The following STARD8 variants were observed in gnomAD, a reference collection of about 807,000 sequenced individuals.
STARD8 encodes the protein stAR-related lipid transfer protein 8.
A neutral mutation model predicts 69.4 loss-of-function variants in STARD8; 25 were observed. That is an observed-to-expected ratio of 0.36 (90% confidence interval 0.26 to 0.50). The LOEUF (loss-of-function observed/expected upper bound fraction) is 0.50, where lower values mean the gene tolerates loss of function less well. Among genes scored for constraint, STARD8 ranks in the 20% least tolerant of loss-of-function variants. The pLI, the probability that STARD8 is intolerant of heterozygous loss-of-function variation, is 0.96. For synonymous variants in STARD8, 389 were observed against 374.6 expected, an observed-to-expected ratio of 1.04 and a Z score of -0.45; for missense variants, 921 against 932.5, an observed-to-expected ratio of 0.99 and a Z score of 0.16.
chrX:68,713,721 C>T (rs1328199067), intron 3 of STARD8, among the ~76,000 whole-genome samples: 1 of 111,825 alleles, frequency 8.9e-6, no homozygotes, highest in Non-Finnish European at 1.9e-5. Context: ...CTGTCCGGGG[C>T]CCTCTTCTCT....
intron 2 of STARD8, among the ~76,000 whole-genome samples, chrX:68,702,528 C>A (rs1368832549): frequency 1.8e-5 from 2 of 112,344 alleles, no homozygotes; most frequent in Non-Finnish European, 3.8e-5. Context: ...ACTCTTACTA[C>A]AAAAACCCTG....
rs770395832 is a variant in STARD8, at chrX:68,716,413, T to C, written c.279T>C (p.Val93=). Residue 93 remains valine, a synonymous_variant, in exon 5 of 15, where the codon GTT becomes GTC. Transcript: ENST00000374599. ...LNNCASMKLE[V]HFQSKQNEDS... ...ATTGTGCCTCGATGAAACTGGAGGT[T>C]CATTTTCAAAGCAAGCAGGTGAGTC... 8.3e-7 allele frequency: 1 copy of C among 1,211,100 alleles called. No individual in the cohort carries two copies. The highest frequency in any genetic ancestry group is 1.1e-6 in the Non-Finnish European group (1 of 895,270).
intron 2 of STARD8, among the ~76,000 whole-genome samples, chrX:68,672,784 T>C (rs1474072211): frequency 9.0e-6 from 1 of 110,573 alleles, no homozygotes; most frequent in Non-Finnish European, 1.9e-5. Context: ...TGCTAAAGGG[T>C]TCCTGCTGTG....
At chrX:68,665,747 C>T (rs1244141132) in intron 2 of STARD8, among the ~76,000 whole-genome samples, 3 of 112,129 alleles carry the variant, frequency 2.7e-5, no homozygotes, top group Non-Finnish European at 3.8e-5. Context: ...ATTTCTCAGC[C>T]GGAGGTTTTG....
chrX:68,716,229 G>T (rs2080089956), intron 4 of STARD8, 139 bp from the exon 5 acceptor site: 2 of 524,059 alleles, frequency 3.8e-6, no homozygotes, highest in Admixed American at 3.2e-5. Flanking sequence ...ATTGTGTCTG[G>T]TTCTTAAACC....
At chrX:68,653,790 A>G (rs887568490) in intron 1 of STARD8, among the ~76,000 whole-genome samples, 3 of 105,608 alleles carry the variant, frequency 2.8e-5, no homozygotes, top group African/African-American at 1.0e-4. Flanking sequence ...AAACACACAC[A>G]CCACATACAC....
chrX:68,674,918 G>A (rs1030560697), intron 2 of STARD8, among the ~76,000 whole-genome samples: 2 of 106,926 alleles, frequency 1.9e-5, no homozygotes, highest in African/African-American at 3.4e-5. Context: ...AAGTAGCTGG[G>A]ATTACAGGCA....
Position 68,722,101 on chromosome X carries a change from C to T in STARD8, c.2514C>T (p.Asp838=), listed in dbSNP as rs756752649. Residue 838 remains aspartate (D), a synonymous_variant, in exon 11 of 15, where the codon GAC becomes GAT. Transcript: ENST00000374599. ...IGRPGPRDLS[D]NMAATQGLSH... ...GGCCAGGCCCTAGGGACCTGAGTGA[C>T]AACATGGCAGCCACCCAGGGCCTGT... 1.7e-6 allele frequency: 2 copies of T among 1,208,121 alleles called. No homozygotes were observed. The highest frequency in any genetic ancestry group is 2.2e-5 in the Admixed American group (1 of 45,975).
At chrX:68,653,017 A>ACCAC (rs2079568167) in intron 1 of STARD8, among the ~76,000 whole-genome samples, 1 of 15,872 alleles carries the variant, frequency 6.3e-5, no homozygotes, top group Admixed American at 8.4e-4. Flanking sequence ...ACCACCACAC[A>ACCAC]CACACACCCC....
At chrX:68,696,778 G>T (rs982827129) in intron 2 of STARD8, among the ~76,000 whole-genome samples, 1 of 111,742 alleles carries the variant, frequency 8.9e-6, no homozygotes, top group Non-Finnish European at 1.9e-5. Context: ...TTTAGGCTTG[G>T]TGCTAGGTCT....
chrX:68,656,448 G>A (rs1219950803), intron 1 of STARD8: 1 of 111,907 alleles, frequency 8.9e-6, no homozygotes, highest in East Asian at 2.8e-4. Context: ...ACAGTGTGGC[G>A]ATTCCTCAAG....
At chrX:68,667,294 A>G (rs141163210) in intron 2 of STARD8, among the ~76,000 whole-genome samples, 343 of 112,030 alleles carry the variant, frequency 3.1e-3, no homozygotes, top group African/African-American at 9.3e-3. Context: ...ATTTCATTAT[A>G]GATTCACTGT....
chrX:68,669,988 T>C (rs1226105853), intron 2 of STARD8, among the ~76,000 whole-genome samples: 1 of 112,584 alleles, frequency 8.9e-6, no homozygotes, highest in Non-Finnish European at 1.9e-5. Flanking sequence ...TTAACATTTG[T>C]TATTTTACAA....
intron 2 of STARD8, among the ~76,000 whole-genome samples, chrX:68,705,818 G>A (rs1013324311): frequency 2.7e-5 from 3 of 112,864 alleles, no homozygotes; most frequent in South Asian, 3.6e-4. Flanking sequence ...GACCAAAAAC[G>A]TCTCCAGACA....
Position 68,665,371 on chromosome X carries a change from T to C in STARD8, c.46-128T>C. 3 of 772,264 alleles carry C rather than the reference T, an allele frequency of 3.9e-6. No individual in the cohort carries two copies. The Admixed American group carries it at 8.4e-5, about 22-fold the overall frequency. 63.6% of individuals were successfully genotyped at this position (772,264 alleles called of 1,213,427 possible). A position where few individuals can be genotyped will look rare whatever the true frequency, so the allele number is the denominator to read the frequency against. ...TGCTCCTTACTTCATTTTCCTTTTC[T>C]TTGGACCTCCATGTGTCTTTCTGTA... On this transcript the variant is annotated intron_variant, in intron 1 of 14. Transcript: ENST00000374599.
chrX:68,720,148 C>T (rs916457193), intron 7 of STARD8, 116 bp from the exon 8 acceptor site: 41 of 874,607 alleles, frequency 4.7e-5, no homozygotes, highest in Non-Finnish European at 5.3e-5. Context: ...TGAGTGTTGA[C>T]TCTGGGGCAG....
chrX:68,721,114 T>C lies in STARD8; in HGVS notation c.2240T>C (p.Ile747Thr). The C allele has an allele frequency of 8.3e-7, 1 of 1,211,533 alleles. No individual in the cohort carries two copies. Among genetic ancestry groups the C allele is most frequent in the Non-Finnish European group, 1.1e-6 (1 of 895,388 alleles). Residue 747 changes from isoleucine (I) to threonine (T), a missense_variant, in exon 9 of 15, where the codon ATC (isoleucine) becomes ACC (threonine). Physicochemically the swap from Ile to Thr is moderately conservative, Grantham distance 89. Coordinates refer to ENST00000374599, the MANE Select transcript of STARD8 (RefSeq NM_001142503.3). ...TSKLTTTFLQ[I>T]YQLLPKDQWL... The stretch of plus-strand genomic sequence containing the variant: ...AAGCTCACCACCACTTTCCTCCAGA[T>C]CTACCAGCGTGAGTCGCCCACTCCT...
intron 2 of STARD8, among the ~76,000 whole-genome samples, chrX:68,677,109 G>A (rs2079770082): frequency 9.0e-6 from 1 of 110,911 alleles, no homozygotes; most frequent in Admixed American, 9.6e-5. Context: ...TCGTGGCACT[G>A]CACTCCAGCC....
intron 2 of STARD8, among the ~76,000 whole-genome samples, chrX:68,694,952 C>T (rs901250249): frequency 6.3e-5 from 7 of 110,732 alleles, no homozygotes; most frequent in Non-Finnish European, 1.1e-4. Flanking sequence ...ACCCCCAAGT[C>T]CCAGGGCCTG....
Sources: gnomAD v4.1 joint callset for allele counts (sites outside exome capture counted in the v4.1 genomes callset) on GRCh38, gnomAD v4.1.1 for gene constraint, MANE v1.5 for transcripts, NCBI Gene and HGNC (gene_info 2026-07-23, HGNC 2026-07-21) for gene names.